Variants in ITSN1 observed in about 807,000 individuals in gnomAD.
The protein encoded by ITSN1 is intersectin-1.
A neutral mutation model predicts 239.8 loss-of-function variants in ITSN1; 58 were observed. That is an observed-to-expected ratio of 0.24 (90% CI 0.20 to 0.30). ITSN1 has a LOEUF of 0.30. Among genes scored for constraint, ITSN1 ranks in the 10% least tolerant of loss-of-function variants. The pLI is 1.00. For missense variants in ITSN1, 1,558 were observed against 2,103.3 expected (o/e 0.74, Z 5.07); for synonymous variants, 780 against 770.8 (o/e 1.01, Z -0.20).
At chr21:33,746,173 T>C (rs2067169806) in intron 5 of ITSN1, among the ~76,000 whole-genome samples, 1 of 152,118 alleles carries the variant, frequency 6.6e-6, no homozygotes, top group Non-Finnish European at 1.5e-5. Flanking sequence ...GGAAGACAGA[T>C]TTTTCTGAAT....
Position 33,888,931 on chromosome 21 carries a change from C to G in ITSN1, c.*631C>G, listed in dbSNP as rs977676626. The stretch of plus-strand genomic sequence containing the variant: ...ATGTGCACCGTTATAGCCGTTCCTT[C>G]CCCCTCTAGGCCTTGTATTAATATA... On this transcript the variant is annotated 3_prime_UTR_variant, in exon 40 of 40. Coordinates refer to ENST00000381318, the MANE Select transcript of ITSN1 (RefSeq NM_003024.3). The G allele has an allele frequency of 6.6e-6, 1 of 152,222 alleles. No individual in the cohort carries two copies. Among genetic ancestry groups the G allele is most frequent in the Non-Finnish European group, 1.5e-5 (1 of 68,078 alleles). 9.4% of individuals were successfully genotyped at this position (152,222 alleles called of 1,614,324 possible). A position where few individuals can be genotyped will look rare whatever the true frequency, so the allele number is the denominator to read the frequency against.
intron 1 of ITSN1, among the ~76,000 whole-genome samples, chr21:33,698,558 T>C (rs531914297): frequency 6.6e-6 from 1 of 152,352 alleles, no homozygotes; most frequent in African/African-American, 2.4e-5. Context: ...TTTTAGGTCA[T>C]CTTGTTCTTC....
At chr21:33,816,397 T>C (rs1400861141) in intron 22 of ITSN1, among the ~76,000 whole-genome samples, 1 of 152,156 alleles carries the variant, frequency 6.6e-6, no homozygotes, top group Non-Finnish European at 1.5e-5. Flanking sequence ...CCTACACACA[T>C]CTTGCATTAC....
At position 33,819,698 on chromosome 21, in the gene ITSN1, A is replaced by G. The variant is rs146265825; in HGVS notation, c.3016+375A>G. On this transcript the variant is annotated intron_variant, in intron 24 of 39. Coordinates refer to ENST00000381318, the MANE Select transcript of ITSN1 (RefSeq NM_003024.3). ...TAAGTATTTCGTTTTAAAAGTAACT[A>G]CAGGCCGGGCGCGGTGGCTCACGCC... Among the ~76,000 whole-genome samples, 14 of 152,316 alleles carry G rather than the reference A, an allele frequency of 9.2e-5. No homozygotes were observed. The East Asian group carries it at 2.5e-3, about 27-fold the overall frequency.
At chr21:33,712,763 A>C (rs2092451034) in intron 1 of ITSN1, among the ~76,000 whole-genome samples, 1 of 152,142 alleles carries the variant, frequency 6.6e-6, no homozygotes, top group Non-Finnish European at 1.5e-5. Context: ...GAAACTTTTT[A>C]CTCACCTCCC....
At chr21:33,693,985 A>G (rs1312797671) in intron 1 of ITSN1, among the ~76,000 whole-genome samples, 1 of 152,226 alleles carries the variant, frequency 6.6e-6, no homozygotes, top group African/African-American at 2.4e-5. Context: ...ATAAAGTTTT[A>G]TATTTTTAAT....
Position 33,690,815 on chromosome 21 carries a change from GTATATATATATATATATATA to G in ITSN1, c.-32-27978_-32-27959del, listed in dbSNP as rs1188283621. ...CATATATATATATATATATATATAT[GTATATATATATATATATATA>G]TATGTAAAAGTTAAAAAAAAAAAAA... On this transcript the variant is annotated intron_variant, in intron 1 of 39. Coordinates refer to ENST00000381318, the MANE Select transcript of ITSN1 (RefSeq NM_003024.3). 3.8e-3 allele frequency among the ~76,000 whole-genome samples: 42 copies of G among 11,078 alleles called. 3 individuals carry two copies. Among genetic ancestry groups the G allele is most frequent in the African/African-American group, 0.015 (40 of 2,728 alleles). The allele number at this position is 11,078 out of a possible 152,430, so 7.3% of individuals were successfully genotyped here.
chr21:33,686,630 G>A (rs73368060), intron 1 of ITSN1, among the ~76,000 whole-genome samples: 5 of 152,216 alleles, frequency 3.3e-5, no homozygotes, highest in African/African-American at 4.8e-5. Flanking sequence ...GAATCAGTTC[G>A]TCTATTGCCT....
At chr21:33,783,474 T>C (rs2070373332) in intron 16 of ITSN1, among the ~76,000 whole-genome samples, 1 of 152,202 alleles carries the variant, frequency 6.6e-6, no homozygotes, top group African/African-American at 2.4e-5. Flanking sequence ...TTTTCTTCAC[T>C]TTGCTTTCAT....
chr21:33,690,806 T>TATATATATATAC (rs2091493559), intron 1 of ITSN1, among the ~76,000 whole-genome samples: 1 of 18,442 alleles, frequency 5.4e-5, no homozygotes. Context: ...TATATATATA[T>TATATATATATAC]ATATATATGT....
At chr21:33,794,498 T>C (rs778148684) in intron 17 of ITSN1, 30 bp downstream of exon 17, 1 of 1,586,348 alleles carries the variant, frequency 6.3e-7, no homozygotes, top group Non-Finnish European at 8.5e-7. Context: ...TGGACTCATC[T>C]GGAAGGAACT....
At chr21:33,746,627 G>C (rs532111223) in intron 5 of ITSN1, among the ~76,000 whole-genome samples, 1 of 152,320 alleles carries the variant, frequency 6.6e-6, no homozygotes, top group African/African-American at 2.4e-5. Context: ...GATCACCTGA[G>C]GTAGAGAGTT....
At chr21:33,844,433 A>T (rs2074923925) in intron 29 of ITSN1, among the ~76,000 whole-genome samples, 1 of 152,126 alleles carries the variant, frequency 6.6e-6, no homozygotes, top group South Asian at 2.1e-4. Context: ...TGGGTCCTTT[A>T]TTTCTCATCA....
In ITSN1 at chr21:33,856,862, G is replaced by T; in HGVS notation, c.3783+5G>T. The stretch of plus-strand genomic sequence containing the variant: ...GACCTGCAGCTGGTCACAGAGGTAA[G>T]GGAGCTGGTGGGGCAGGGGGCACGG... On this transcript the variant is annotated splice_donor_5th_base_variant and intron_variant, in intron 30 of 39. Transcript: ENST00000381318. 1 of 1,614,016 alleles carries T rather than the reference G, an allele frequency of 6.2e-7. No individual in the cohort carries two copies. Among genetic ancestry groups the T allele is most frequent in the South Asian group, 1.1e-5 (1 of 91,058 alleles).
At chr21:33,803,336 C>T (rs1354883113) in intron 20 of ITSN1, among the ~76,000 whole-genome samples, 2 of 152,208 alleles carry the variant, frequency 1.3e-5, no homozygotes, top group African/African-American at 2.4e-5. Flanking sequence ...TCTCATTCTT[C>T]TCCTTCCTCT....
chr21:33,742,566 A>G (rs534781972), intron 5 of ITSN1, among the ~76,000 whole-genome samples: 26 of 152,302 alleles, frequency 1.7e-4, no homozygotes, highest in Admixed American at 1.5e-3. Context: ...GGAAAGGGTT[A>G]TGCTCTCTGC....
chr21:33,670,356 GAAAAC>G (rs1287549115), intron 1 of ITSN1, among the ~76,000 whole-genome samples: 2 of 151,990 alleles, frequency 1.3e-5, no homozygotes, highest in African/African-American at 4.8e-5. Context: ...CACTGTCCCA[GAAAAC>G]AAAACAAAAC....
chr21:33,811,583 A>G (rs1328748594), intron 21 of ITSN1, among the ~76,000 whole-genome samples: 1 of 152,196 alleles, frequency 6.6e-6, no homozygotes, highest in African/African-American at 2.4e-5. Context: ...CCTGCATGCA[A>G]ATAGCACTTT....
At chr21:33,884,108 C>G (rs1329916328) in intron 36 of ITSN1, among the ~76,000 whole-genome samples, 1 of 151,906 alleles carries the variant, frequency 6.6e-6, no homozygotes, top group Non-Finnish European at 1.5e-5. Context: ...TGCCATGTTG[C>G]CCAGGCTGGT....
Sources: allele counts gnomAD v4.1 joint callset (sites outside exome capture counted in the v4.1 genomes callset), GRCh38; gene constraint gnomAD v4.1.1; transcripts MANE v1.5; gene names NCBI Gene and HGNC (gene_info 2026-07-23, HGNC 2026-07-21).